Variants in TMEM132D observed in about 807,000 individuals in gnomAD.
TMEM132D encodes the protein transmembrane protein 132D.
Under a neutral mutation model 62.3 loss-of-function variants are expected in TMEM132D, and 21 were observed. The observed-to-expected ratio is 0.34, with a 90% CI of 0.24 to 0.49. The LOEUF (loss-of-function observed/expected upper bound fraction) is 0.49. TMEM132D is among the 20% of genes least tolerant of loss of function. The probability of loss-of-function intolerance (pLI) is 0.99; values close to 1 mark genes in which losing one functional copy is unlikely to be tolerated. For synonymous variants in TMEM132D, 621 were observed against 575.6 expected (o/e 1.08, Z -1.13); for missense variants, 1,346 against 1,402.8 (o/e 0.96, Z 0.65).
intron 5 of TMEM132D, among the ~76,000 whole-genome samples, chr12:129,139,885 A>T (rs1290244982): frequency 2.5e-4 from 37 of 145,480 alleles, no homozygotes; most frequent in Non-Finnish European, 3.0e-5. Context: ...TAATTTTTGT[A>T]TTTTTTTTTT....
chr12:129,569,088 T>C (rs1024629090), intron 2 of TMEM132D, among the ~76,000 whole-genome samples: 16 of 152,180 alleles, frequency 1.1e-4, no homozygotes, highest in Non-Finnish European at 2.2e-4. Flanking sequence ...AATATCTTAG[T>C]GTGAGATAAC....
intron 4 of TMEM132D, among the ~76,000 whole-genome samples, chr12:129,241,988 C>CTG (rs1419899020): frequency 6.6e-6 from 1 of 152,180 alleles, no homozygotes; most frequent in Non-Finnish European, 1.5e-5. Flanking sequence ...GAGGGCTCTT[C>CTG]TGTGTGTGAG....
chr12:129,665,022 ACACGCTTAACTACTAC>A (rs1421256039), intron 2 of TMEM132D, among the ~76,000 whole-genome samples: 6 of 152,264 alleles, frequency 3.9e-5, no homozygotes, highest in Non-Finnish European at 8.8e-5. Flanking sequence ...TCCAGAGTCT[ACACGCTTAACTACTAC>A]CACATTATTA....
At chr12:129,473,125 G>A (rs1404350251) in intron 3 of TMEM132D, among the ~76,000 whole-genome samples, 8 of 151,544 alleles carry the variant, frequency 5.3e-5, no homozygotes, top group Admixed American at 5.3e-4. Context: ...GGCCTCCCAA[G>A]GTGCTGAGAT....
intron 1 of TMEM132D, among the ~76,000 whole-genome samples, chr12:129,749,788 A>T (rs1184432279): frequency 6.6e-6 from 1 of 152,188 alleles, no homozygotes; most frequent in Non-Finnish European, 1.5e-5. Flanking sequence ...TTAATGGGTG[A>T]AACTTCCTTC....
intron 2 of TMEM132D, among the ~76,000 whole-genome samples, chr12:129,652,022 A>T (rs1386212453): frequency 1.3e-5 from 2 of 152,188 alleles, no homozygotes; most frequent in Non-Finnish European, 2.9e-5. Context: ...ACTCCAAATC[A>T]TTTACCTGTG....
At chr12:129,661,109 T>C (rs995411192) in intron 2 of TMEM132D, among the ~76,000 whole-genome samples, 1 of 152,252 alleles carries the variant, frequency 6.6e-6, no homozygotes, top group African/African-American at 2.4e-5. Context: ...AGATTCGGTC[T>C]GCAGCTGTGC....
At chr12:129,594,256 G>A (rs774804466) in intron 2 of TMEM132D, among the ~76,000 whole-genome samples, 5 of 152,208 alleles carry the variant, frequency 3.3e-5, no homozygotes, top group Non-Finnish European at 5.9e-5. Context: ...TGGCCTCCTT[G>A]AAGATGATGA....
intron 4 of TMEM132D, among the ~76,000 whole-genome samples, chr12:129,322,393 T>C (rs1397737417): frequency 9.9e-5 from 15 of 152,110 alleles, no homozygotes; most frequent in Admixed American, 6.5e-4. Context: ...GGCCATGCCA[T>C]GATGGCCATT....
chr12:129,179,099 G>T (rs1278967752), intron 5 of TMEM132D, among the ~76,000 whole-genome samples: 1 of 152,174 alleles, frequency 6.6e-6, no homozygotes, highest in Non-Finnish European at 1.5e-5. Flanking sequence ...AAACAGATGA[G>T]TGAGCCCAGA....
chr12:129,138,656 G>A (rs1282840984), intron 5 of TMEM132D, among the ~76,000 whole-genome samples: 3 of 152,208 alleles, frequency 2.0e-5, no homozygotes, highest in East Asian at 1.9e-4. Flanking sequence ...GGGAGGCAAA[G>A]GTTGCAATGA....
intron 2 of TMEM132D, among the ~76,000 whole-genome samples, chr12:129,667,929 T>A (rs1297224395): frequency 1.3e-5 from 2 of 150,514 alleles, no homozygotes; most frequent in African/African-American, 4.9e-5. Context: ...GGTAACAAAT[T>A]TCCTTGTCCA....
intron 2 of TMEM132D, among the ~76,000 whole-genome samples, chr12:129,641,806 A>G (rs796539079): frequency 1.4e-4 from 21 of 152,258 alleles, no homozygotes; most frequent in African/African-American, 4.8e-4. Flanking sequence ...GAGTTCGACC[A>G]GCTTGGAAGG....
At chr12:129,392,725 C>A (rs1390562834) in intron 3 of TMEM132D, among the ~76,000 whole-genome samples, 1 of 152,204 alleles carries the variant, frequency 6.6e-6, no homozygotes. Context: ...CCAACCCTCA[C>A]CCCAGTGATT....
At chr12:129,124,287 A>G (rs201625755) in intron 5 of TMEM132D, among the ~76,000 whole-genome samples, 1 of 152,160 alleles carries the variant, frequency 6.6e-6, no homozygotes, top group East Asian at 1.9e-4. Context: ...CAGGACCCCC[A>G]AGACTCACCT....
intron 3 of TMEM132D, among the ~76,000 whole-genome samples, chr12:129,497,032 G>T (rs1355773424): frequency 6.6e-6 from 1 of 152,206 alleles, no homozygotes; most frequent in Non-Finnish European, 1.5e-5. Flanking sequence ...TGCTGGCCGG[G>T]CGCAGTGGCT....
chr12:129,560,975 A>C (rs1877209381), intron 2 of TMEM132D, among the ~76,000 whole-genome samples: 1 of 152,200 alleles, frequency 6.6e-6, no homozygotes, highest in South Asian at 2.1e-4. Context: ...TTCTCTGCCC[A>C]GTAGATATTA....
At chr12:129,449,961 C>T (rs967358023) in intron 3 of TMEM132D, among the ~76,000 whole-genome samples, 2 of 151,168 alleles carry the variant, frequency 1.3e-5, no homozygotes, top group Non-Finnish European at 2.9e-5. Context: ...ATCTGCATTT[C>T]TCTAATGATC....
At chr12:129,265,425 TG>T (rs1302377370) in intron 4 of TMEM132D, among the ~76,000 whole-genome samples, 1 of 152,212 alleles carries the variant, frequency 6.6e-6, no homozygotes, top group African/African-American at 2.4e-5. Context: ...AATGTGATTT[TG>T]GTCCGAATTT....
Sources: gnomAD v4.1 joint callset for allele counts (sites outside exome capture counted in the v4.1 genomes callset) on GRCh38, gnomAD v4.1.1 for gene constraint, MANE v1.5 for transcripts, NCBI Gene and HGNC (gene_info 2026-07-23, HGNC 2026-07-21) for gene names.